Variants in PLEKHS1 observed in about 807,000 individuals in gnomAD.
PLEKHS1 encodes pleckstrin homology domain containing S1, also known as pleckstrin homology domain-containing family S member 1.
In PLEKHS1, 55 loss-of-function variants were observed where a neutral mutation model predicts 51.0. The ratio of observed to expected loss-of-function variants is 1.08; its 90% confidence interval spans 0.87 to 1.35. The LOEUF (loss-of-function observed/expected upper bound fraction) is 1.35. Ranked by LOEUF, PLEKHS1 falls within the 40% of genes most tolerant of loss-of-function variation. The probability of loss-of-function intolerance (pLI) is 0.00; values close to 1 mark genes in which losing one functional copy is unlikely to be tolerated. For synonymous variants in PLEKHS1, 153 were observed against 144.8 expected (o/e 1.06, Z -0.41); for missense variants, 398 against 423.0 (o/e 0.94, Z 0.52).
At chr10:113,775,242 G>A (rs760290976) in intron 10 of PLEKHS1, among the ~76,000 whole-genome samples, 115 of 152,100 alleles carry the variant, frequency 7.6e-4, no homozygotes, top group Admixed American at 8.5e-4. Flanking sequence ...CCTGGGGCGG[G>A]GGGTGGCATT....
chr10:113,776,864 G>A (rs780514737), intron 11 of PLEKHS1, among the ~76,000 whole-genome samples: 11 of 152,174 alleles, frequency 7.2e-5, no homozygotes, highest in Non-Finnish European at 1.0e-4. Flanking sequence ...AGAAGTCCAG[G>A]GGTAGGGGAG....
chr10:113,773,905 C>G (rs1844530646), intron 8 of PLEKHS1, among the ~76,000 whole-genome samples: 1 of 152,172 alleles, frequency 6.6e-6, no homozygotes, highest in Non-Finnish European at 1.5e-5. Flanking sequence ...TATAGTAGAA[C>G]TGATTGGGGA....
At chr10:113,777,140 G>A (rs750473724) in intron 11 of PLEKHS1, 3 of 1,612,560 alleles carry the variant, frequency 1.9e-6, no homozygotes, top group Middle Eastern at 1.6e-4. Flanking sequence ...TCAGTGGGAA[G>A]GCCCCCCACG....
intron 6 of PLEKHS1, 101 bp from the exon 7 acceptor site, chr10:113,769,683 T>A: frequency 1.3e-6 from 1 of 755,016 alleles, no homozygotes; most frequent in Non-Finnish European, 2.4e-6. Flanking sequence ...GTTAGATTGC[T>A]ATGGGAAAAG....
At chr10:113,757,701 T>C (rs890346336) in intron 2 of PLEKHS1, among the ~76,000 whole-genome samples, 2 of 152,260 alleles carry the variant, frequency 1.3e-5, no homozygotes, top group Non-Finnish European at 2.9e-5. Context: ...TGTACTTTCA[T>C]GAAAAATTTC....
Position 113,777,109 on chromosome 10 carries a change from G to A in PLEKHS1, c.1091+1243G>A, listed in dbSNP as rs566817345. 1 of 1,611,824 alleles carries A rather than the reference G, an allele frequency of 6.2e-7. No homozygotes were observed. On this transcript the variant is annotated intron_variant, in intron 11 of 11. Coordinates refer to ENST00000361048, the Ensembl canonical transcript of PLEKHS1. ...GAGCCTCACACTGGTATTGGATGTT[G>A]TATTCCCACTGCAGTGTGTCTCAGT...
At chr10:113,767,270 G>A (rs958138056) in intron 4 of PLEKHS1, 75 bp from the exon 5 acceptor site, 4 of 1,117,264 alleles carry the variant, frequency 3.6e-6, no homozygotes, top group Non-Finnish European at 4.8e-6. Flanking sequence ...TATTCCATTT[G>A]AATCCCAATA....
chr10:113,774,407 T>C, intron 9 of PLEKHS1, 74 bp downstream of exon 9: 3 of 880,774 alleles, frequency 3.4e-6, no homozygotes, highest in Non-Finnish European at 3.5e-6. Flanking sequence ...TCAGTTCATT[T>C]CAATAGTTGA....
intron 11 of PLEKHS1, among the ~76,000 whole-genome samples, chr10:113,778,450 G>GATTGTGTAGCATATCTATATTAAGAACAC (rs1844763838): frequency 1.3e-5 from 2 of 152,164 alleles, no homozygotes; most frequent in African/African-American, 4.8e-5. Flanking sequence ...GGAATTTTGT[G>GATTGTGTAGCATATCTATATTAAGAACAC]ATTGTGTAGC....
At position 113,772,122 on chromosome 10, in the gene PLEKHS1, C is replaced by T. The variant is rs753785396; in HGVS notation, c.672+33C>T. On this transcript the variant is annotated intron_variant, in intron 8 of 11. Coordinates refer to ENST00000361048, the Ensembl canonical transcript of PLEKHS1. ...CTTCTTGTCCATTCATCATTTGTTT[C>T]TTTAACAAATATTTACTGAAACCCT... 5.6e-6 allele frequency: 9 copies of T among 1,606,838 alleles called. No individual in the cohort carries two copies. The South Asian group carries it at 1.0e-4, about 18-fold the overall frequency.
At chr10:113,773,555 G>A (rs1441871400) in intron 8 of PLEKHS1, among the ~76,000 whole-genome samples, 1 of 152,128 alleles carries the variant, frequency 6.6e-6, no homozygotes, top group African/African-American at 2.4e-5. Flanking sequence ...GATTTCAGTA[G>A]GCCGAAAGGA....
At chr10:113,758,704 T>C (rs1306967633) in intron 2 of PLEKHS1, among the ~76,000 whole-genome samples, 1 of 152,134 alleles carries the variant, frequency 6.6e-6, no homozygotes, top group East Asian at 1.9e-4. Flanking sequence ...TTGAGTCTCA[T>C]TGAATAGGGA....
intron 11 of PLEKHS1, among the ~76,000 whole-genome samples, chr10:113,779,049 T>C (rs1844789053): frequency 6.6e-6 from 1 of 152,236 alleles, no homozygotes; most frequent in Admixed American, 6.5e-5. Flanking sequence ...AGGCATGTTA[T>C]GTGCTACTTG....
At chr10:113,766,914 G>T (rs775652568) in intron 4 of PLEKHS1, among the ~76,000 whole-genome samples, 196 bp downstream of exon 4, 1 of 152,150 alleles carries the variant, frequency 6.6e-6, no homozygotes, top group Non-Finnish European at 1.5e-5. Flanking sequence ...GTTTCATATT[G>T]TATGTCATAC....
intron 5 of PLEKHS1, 22 bp from the exon 6 acceptor site, chr10:113,768,793 G>A (rs1844271952): frequency 1.9e-6 from 3 of 1,601,560 alleles, no homozygotes; most frequent in East Asian, 4.5e-5. Context: ...CATGCCAACT[G>A]AAAGTTTATT....
At chr10:113,777,013 G>A in intron 11 of PLEKHS1, 111 bp from the exon 12 acceptor site, 2 of 1,202,360 alleles carry the variant, frequency 1.7e-6, no homozygotes, top group Non-Finnish European at 2.3e-6. Flanking sequence ...GAAGGAGATA[G>A]TCTACTTCAG....
At chr10:113,755,994 A>T (rs141537975) in intron 2 of PLEKHS1, among the ~76,000 whole-genome samples, 3 of 152,354 alleles carry the variant, frequency 2.0e-5, no homozygotes, top group Non-Finnish European at 4.4e-5. Flanking sequence ...AGGGTAGCTC[A>T]ATGTATGGTA....
At chr10:113,775,531 G>C (rs1459634180) in intron 10 of PLEKHS1, among the ~76,000 whole-genome samples, 2 of 152,184 alleles carry the variant, frequency 1.3e-5, no homozygotes, top group South Asian at 2.1e-4. Context: ...GATGTGGACA[G>C]TTACATAACC....
intron 1 of PLEKHS1, 129 bp downstream of exon 1, chr10:113,751,890 C>T (rs948094995): frequency 2.6e-5 from 4 of 152,136 alleles, no homozygotes. Context: ...CTGTTATGGG[C>T]ACTTTCTTCA....
Sources: gnomAD v4.1 joint callset for allele counts (sites outside exome capture counted in the v4.1 genomes callset) on GRCh38, gnomAD v4.1.1 for gene constraint, MANE v1.5 for transcripts, NCBI Gene and HGNC (gene_info 2026-07-23, HGNC 2026-07-21) for gene names.